Variants in TGFB2 observed in about 807,000 individuals in gnomAD.
The protein encoded by TGFB2 is transforming growth factor beta 2.
In TGFB2, 13 loss-of-function variants were observed where a neutral mutation model predicts 42.7. That is an observed-to-expected ratio of 0.30 (90% CI 0.20 to 0.48). The LOEUF (loss-of-function observed/expected upper bound fraction) is 0.48, where lower values mean the gene tolerates loss of function less well. Ranked by LOEUF, TGFB2 falls within the 20% of genes least tolerant of loss-of-function variation. TGFB2 has a pLI of 0.99. For synonymous variants in TGFB2, 193 were observed against 193.6 expected (o/e 1.00, Z 0.03); for missense variants, 390 against 517.5 (o/e 0.75, Z 2.39).
At chr1:218,367,614 C>A (rs1392950070) in intron 1 of TGFB2, among the ~76,000 whole-genome samples, 2 of 152,164 alleles carry the variant, frequency 1.3e-5, no homozygotes, top group African/African-American at 4.8e-5. Flanking sequence ...ATGTGGTCTA[C>A]ATCACTAAAT....
At chr1:218,427,747 G>C (rs1222066865) in intron 2 of TGFB2, among the ~76,000 whole-genome samples, 1 of 152,138 alleles carries the variant, frequency 6.6e-6, no homozygotes. Flanking sequence ...TGGGCATTTG[G>C]GTTGGTTCCA....
At chr1:218,375,925 G>C (rs557918527) in intron 1 of TGFB2, among the ~76,000 whole-genome samples, 120 of 152,182 alleles carry the variant, frequency 7.9e-4, no homozygotes, top group African/African-American at 2.7e-3. Context: ...TTAAGAAGTT[G>C]AAGAAAAAAT....
At chr1:218,379,126 C>CTTTTTTTTTTTTTT (rs748882381) in intron 1 of TGFB2, among the ~76,000 whole-genome samples, 2 of 143,738 alleles carry the variant, frequency 1.4e-5, no homozygotes, top group Non-Finnish European at 3.0e-5. Context: ...TTCTTTCTTT[C>CTTTTTTTTTTTTTT]TTTCTTTTTT....
chr1:218,388,984 T>C (rs1247179295), intron 1 of TGFB2, among the ~76,000 whole-genome samples: 2 of 152,154 alleles, frequency 1.3e-5, no homozygotes, highest in African/African-American at 4.8e-5. Context: ...CTGCTTGATA[T>C]CCTACAGGGG....
chr1:218,429,383 T>A (rs1659732599), intron 2 of TGFB2, among the ~76,000 whole-genome samples: 1 of 152,256 alleles, frequency 6.6e-6, no homozygotes, highest in Non-Finnish European at 1.5e-5. Context: ...CTTAGCATAA[T>A]CCTCAGAGTT....
At chr1:218,348,684 A>G (rs978148534) in intron 1 of TGFB2, among the ~76,000 whole-genome samples, 1 of 152,260 alleles carries the variant, frequency 6.6e-6, no homozygotes, top group Non-Finnish European at 1.5e-5. Context: ...ATATTAGGAA[A>G]GAAAGTTCAT....
At position 218,444,038 on chromosome 1, in the gene TGFB2, A is replaced by C. The variant is rs1483080778; in HGVS notation, c.*2676A>C. ...CTATCAGTACCATCATCGAGTCTAG[A>C]AAACACCTGTGATGCAATAAGACTA... On this transcript the variant is annotated 3_prime_UTR_variant, in exon 7 of 7. Transcript: ENST00000366930. 6.6e-6 allele frequency: 1 copy of C among 152,082 alleles called. No homozygotes were observed. The highest frequency in any genetic ancestry group is 6.6e-5 in the Admixed American group (1 of 15,262). 9.4% of individuals were successfully genotyped at this position (152,082 alleles called of 1,614,324 possible). A position where few individuals can be genotyped will look rare whatever the true frequency, so the allele number is the denominator to read the frequency against.
Position 218,443,472 on chromosome 1 carries a change from A to G in TGFB2, c.*2110A>G, listed in dbSNP as rs561266213. The G allele has an allele frequency of 6.6e-6, 1 of 152,326 alleles. No individual in the cohort carries two copies. Among genetic ancestry groups the G allele is most frequent in the East Asian group, 1.9e-4 (1 of 5,184 alleles). 9.4% of individuals were successfully genotyped at this position (152,326 alleles called of 1,614,324 possible). A position where few individuals can be genotyped will look rare whatever the true frequency, so the allele number is the denominator to read the frequency against. On this transcript the variant is annotated 3_prime_UTR_variant, in exon 7 of 7. Coordinates refer to ENST00000366930, the MANE Select transcript of TGFB2 (RefSeq NM_003238.6). ...TTGCAAGTTTGAAAACTGGAAAAGC[A>G]AGAGATGGGATGCCATAATAGTAAA...
intron 1 of TGFB2, among the ~76,000 whole-genome samples, chr1:218,389,958 T>C (rs192741762): frequency 6.6e-6 from 1 of 152,356 alleles, no homozygotes; most frequent in African/African-American, 2.4e-5. Flanking sequence ...GTAAGCCCCA[T>C]GCAGGCTTTG....
intron 1 of TGFB2, among the ~76,000 whole-genome samples, chr1:218,351,181 C>T (rs974035813): frequency 6.6e-6 from 1 of 152,172 alleles, no homozygotes; most frequent in Non-Finnish European, 1.5e-5. Flanking sequence ...AGTTGCTGGT[C>T]TGTTGGCCAC....
At chr1:218,368,277 T>G (rs1258770866) in intron 1 of TGFB2, among the ~76,000 whole-genome samples, 1 of 152,126 alleles carries the variant, frequency 6.6e-6, no homozygotes, top group Non-Finnish European at 1.5e-5. Context: ...CCCGAGTAGC[T>G]GGGATTACAG....
At chr1:218,372,175 A>G (rs1169075477) in intron 1 of TGFB2, among the ~76,000 whole-genome samples, 5 of 152,062 alleles carry the variant, frequency 3.3e-5, no homozygotes, top group African/African-American at 1.2e-4. Flanking sequence ...AAAAAATGAA[A>G]GCATTGTTTT....
At chr1:218,357,848 T>C (rs1027571851) in intron 1 of TGFB2, among the ~76,000 whole-genome samples, 1 of 152,196 alleles carries the variant, frequency 6.6e-6, no homozygotes, top group African/African-American at 2.4e-5. Context: ...AGACGCTGCG[T>C]TTCTGAAGAA....
At chr1:218,376,224 A>G (rs773137802) in intron 1 of TGFB2, among the ~76,000 whole-genome samples, 14 of 152,200 alleles carry the variant, frequency 9.2e-5, no homozygotes, top group Non-Finnish European at 1.8e-4. Flanking sequence ...AGGCAGAATG[A>G]CATTCTTTAT....
intron 2 of TGFB2, among the ~76,000 whole-genome samples, chr1:218,414,153 T>G (rs1659193454): frequency 6.6e-6 from 1 of 152,158 alleles, no homozygotes; most frequent in Admixed American, 6.5e-5. Flanking sequence ...AGGTGGGGTT[T>G]TTGTCATACC....
intron 1 of TGFB2, among the ~76,000 whole-genome samples, chr1:218,394,144 C>T (rs1658415182): frequency 6.6e-6 from 1 of 152,084 alleles, no homozygotes; most frequent in Non-Finnish European, 1.5e-5. Flanking sequence ...CTCCTGACCT[C>T]GTGATCCGCC....
chr1:218,406,167 C>G (rs544564368), intron 2 of TGFB2, among the ~76,000 whole-genome samples: 18 of 149,500 alleles, frequency 1.2e-4, no homozygotes, highest in African/African-American at 4.3e-4. Context: ...TAATTCTACC[C>G]ACTGTCTCCA....
At chr1:218,426,162 TA>T (rs1305136424) in intron 2 of TGFB2, among the ~76,000 whole-genome samples, 1 of 152,236 alleles carries the variant, frequency 6.6e-6, no homozygotes, top group Non-Finnish European at 1.5e-5. Context: ...TCTGATTGAA[TA>T]GCCCCATGGT....
chr1:218,396,151 C>T (rs557495552), intron 1 of TGFB2, among the ~76,000 whole-genome samples: 80 of 152,252 alleles, frequency 5.3e-4, no homozygotes, highest in African/African-American at 1.9e-3. Flanking sequence ...GTTAGACCAT[C>T]ATAGTCTAGG....
Sources: gnomAD v4.1 joint callset for allele counts (sites outside exome capture counted in the v4.1 genomes callset) on GRCh38, gnomAD v4.1.1 for gene constraint, MANE v1.5 for transcripts, NCBI Gene and HGNC (gene_info 2026-07-23, HGNC 2026-07-21) for gene names.